Variants in CCDC150 observed in about 807,000 individuals in gnomAD.
The protein encoded by CCDC150 is coiled-coil domain-containing protein 150.
Under a neutral mutation model 156.5 loss-of-function variants are expected in CCDC150, and 151 were observed. That is an observed-to-expected ratio of 0.97 (90% confidence interval 0.85 to 1.10). The LOEUF is 1.10. Ranked by LOEUF, CCDC150 falls within the 50% of genes least tolerant of loss-of-function variation. The pLI is 0.00. For missense variants in CCDC150, 1,312 were observed against 1,268.1 expected (o/e 1.03, Z -0.53); for synonymous variants, 452 against 429.4 (o/e 1.05, Z -0.65).
intron 17 of CCDC150, among the ~76,000 whole-genome samples, chr2:196,716,921 T>C (rs1448507440): frequency 7.0e-6 from 1 of 143,666 alleles, no homozygotes; most frequent in African/African-American, 2.6e-5. Context: ...AGTGGCGCCA[T>C]CTTGGCTTGG....
chr2:196,686,846 T>C (rs887187584), intron 13 of CCDC150, among the ~76,000 whole-genome samples: 1 of 152,166 alleles, frequency 6.6e-6, no homozygotes, highest in Non-Finnish European at 1.5e-5. Context: ...CTCCCACTTA[T>C]AAGAGAACAT....
chr2:196,719,436 C>T (rs1186415793), intron 18 of CCDC150, 61 bp from the exon 19 acceptor site: 3 of 1,399,202 alleles, frequency 2.1e-6, no homozygotes, highest in Admixed American at 4.8e-5. Context: ...TAATGAGATC[C>T]ACAAGCAGAA....
chr2:196,725,431 T>C lies in CCDC150; in HGVS notation c.2430-542T>C, dbSNP rs911985999. Among the ~76,000 whole-genome samples, 5 of 152,304 alleles carry C rather than the reference T, an allele frequency of 3.3e-5. No homozygotes were observed. The East Asian group carries it at 9.6e-4, about 29-fold the overall frequency. ...TCCAGCATCCTCAGAAGATTAATCATGGGTCTTGAACAAGGAGTTCAAGTT... is the reference window on the plus strand; with the variant it reads ...TCCAGCATCCTCAGAAGATTAATCACGGGTCTTGAACAAGGAGTTCAAGTT... On this transcript the variant is annotated intron_variant, in intron 21 of 27. Transcript: ENST00000389175.
chr2:196,713,127 C>A, intron 17 of CCDC150: 1 of 555,504 alleles, frequency 1.8e-6, no homozygotes, highest in Middle Eastern at 5.0e-4. Flanking sequence ...TTAAAGGAGG[C>A]CTCATTAGAT....
chr2:196,712,201 G>T lies in CCDC150; in HGVS notation c.1752G>T (p.Gln584His). 1 of 1,587,700 alleles carries T rather than the reference G, an allele frequency of 6.3e-7. No individual in the cohort carries two copies. Among genetic ancestry groups the T allele is most frequent in the Non-Finnish European group, 8.6e-7 (1 of 1,164,590 alleles). Reference protein sequence around the residue: ...QVQSFTDTSLQNDHLRKMNKY... With the variant: ...QVQSFTDTSLHNDHLRKMNKY... The stretch of plus-strand genomic sequence containing the variant: ...AGTCTTTTACTGACACCAGCTTACA[G>T]AATGATCATCTACGCAAGATGAATA... The change falls in exon 16 of 28, where the codon CAG becomes CAT. Residue 584 changes from glutamine (Q) to histidine (H), a missense_variant. Coordinates refer to ENST00000389175, the MANE Select transcript of CCDC150 (RefSeq NM_001080539.2).
At chr2:196,650,344 C>G (rs905913096) in intron 2 of CCDC150, among the ~76,000 whole-genome samples, 3 of 152,066 alleles carry the variant, frequency 2.0e-5, no homozygotes, top group Admixed American at 1.3e-4. Context: ...ATGAATCTCA[C>G]TTGATCATGG....
chr2:196,699,543 G>A (rs1404039896), intron 14 of CCDC150, among the ~76,000 whole-genome samples: 13 of 151,332 alleles, frequency 8.6e-5, no homozygotes, highest in Admixed American at 8.5e-4. Context: ...TTTTGAAATG[G>A]GGGTCTTGCT....
intron 25 of CCDC150, 137 bp from the exon 26 acceptor site, chr2:196,730,722 A>C (rs1698473758): frequency 9.3e-6 from 6 of 642,448 alleles, no homozygotes; most frequent in Non-Finnish European, 1.7e-5. Context: ...TTTTTATCTC[A>C]TATGTCAGTA....
At chr2:196,640,191 G>T (rs1242079725) in intron 1 of CCDC150, among the ~76,000 whole-genome samples, 1 of 152,170 alleles carries the variant, frequency 6.6e-6, no homozygotes, top group African/African-American at 2.4e-5. Context: ...TACGGTTTCC[G>T]CAGTACCTGG....
At chr2:196,676,049 A>C (rs1694479604) in intron 10 of CCDC150, 94 bp from the exon 11 acceptor site, 1 of 1,190,022 alleles carries the variant, frequency 8.4e-7, no homozygotes, top group African/African-American at 1.5e-5. Context: ...TGTTTTTTTA[A>C]GTTAGTTCAG....
At chr2:196,694,525 A>T (rs1695693487) in intron 13 of CCDC150, among the ~76,000 whole-genome samples, 1 of 152,192 alleles carries the variant, frequency 6.6e-6, no homozygotes, top group Non-Finnish European at 1.5e-5. Context: ...CTTTTTAGAA[A>T]AAATGTTAGA....
intron 1 of CCDC150, 28 bp downstream of exon 1, chr2:196,639,806 AG>A: frequency 2.5e-6 from 4 of 1,572,044 alleles, no homozygotes; most frequent in Admixed American, 1.7e-5. Context: ...CGGGCTGGTG[AG>A]GGGTGGTCGG....
intron 13 of CCDC150, among the ~76,000 whole-genome samples, chr2:196,693,926 G>T (rs780453204): frequency 7.2e-5 from 11 of 151,934 alleles, no homozygotes; most frequent in Non-Finnish European, 1.5e-4. Context: ...CTATTGAAAC[G>T]GTGTATTATA....
At chr2:196,657,231 G>A (rs532238789) in intron 4 of CCDC150, 95 bp downstream of exon 4, 2 of 1,182,294 alleles carry the variant, frequency 1.7e-6, no homozygotes, top group East Asian at 4.8e-5. Context: ...AATAGGTGAT[G>A]TTGATATGAG....
chr2:196,710,479 C>T (rs1697033020), intron 15 of CCDC150, among the ~76,000 whole-genome samples: 1 of 152,216 alleles, frequency 6.6e-6, no homozygotes, highest in South Asian at 2.1e-4. Flanking sequence ...ATGCCCTGCC[C>T]TGCTTTGGCT....
At chr2:196,651,563 T>C (rs530705464) in intron 2 of CCDC150, among the ~76,000 whole-genome samples, 1 of 152,298 alleles carries the variant, frequency 6.6e-6, no homozygotes, top group South Asian at 2.1e-4. Context: ...TGGTTGACAG[T>C]TTTATTTTTC....
chr2:196,730,263 A>G, intron 25 of CCDC150, 145 bp downstream of exon 25: 1 of 634,482 alleles, frequency 1.6e-6, no homozygotes, highest in South Asian at 2.9e-5. Context: ...TCCTTAGAAT[A>G]ATAGTATCTA....
In CCDC150 at chr2:196,646,448, G is replaced by A; in HGVS notation, c.120G>A (p.Glu40=). 1.9e-6 allele frequency: 3 copies of A among 1,613,812 alleles called. No homozygotes were observed. The highest frequency in any genetic ancestry group is 1.7e-6 in the Non-Finnish European group (2 of 1,179,746). ...TTCAGCAAAGGATGAGAATAGTTGA[G>A]GAACAGACCAGTTCACTGAGGGATG... is the stretch of plus-strand genomic sequence containing the variant. ...TVLQQRMRIV[E]EQTSSLRDDL... Residue 40 remains glutamate, a synonymous_variant, in exon 2 of 28, where the codon GAG becomes GAA. Transcript: ENST00000389175.
intron 13 of CCDC150, among the ~76,000 whole-genome samples, chr2:196,694,240 G>A (rs1695672866): frequency 6.6e-6 from 1 of 151,856 alleles, no homozygotes. Context: ...ATTTTTAGTA[G>A]CAATGAGGTT....
Sources: gnomAD v4.1 joint callset for allele counts (sites outside exome capture counted in the v4.1 genomes callset) on GRCh38, gnomAD v4.1.1 for gene constraint, MANE v1.5 for transcripts, NCBI Gene and HGNC (gene_info 2026-07-23, HGNC 2026-07-21) for gene names.